The following FN1 variants were observed in gnomAD, a reference collection of about 807,000 sequenced individuals.
FN1 encodes the protein fibronectin.
A neutral mutation model predicts 297.3 loss-of-function variants in FN1; 106 were observed. The ratio of observed to expected loss-of-function variants is 0.36; its 90% CI spans 0.30 to 0.42. FN1 has a LOEUF of 0.42. Among genes scored for constraint, FN1 ranks in the 10% least tolerant of loss-of-function variants. FN1 has a pLI of 1.00. For missense variants in FN1, 2,690 were observed against 3,124.9 expected (o/e 0.86, Z 3.32); for synonymous variants, 1,149 against 1,152.6 (o/e 1.00, Z 0.06).
In FN1 at chr2:215,435,895, T is replaced by G; in HGVS notation, c.-93A>C. 805 of 1,344,402 alleles carry G rather than the reference T, an allele frequency of 6.0e-4. No homozygotes were observed. Among genetic ancestry groups the G allele is most frequent in the East Asian group, 2.3e-3 (64 of 27,702 alleles). 83.3% of individuals were successfully genotyped at this position (1,344,402 alleles called of 1,614,324 possible). On this transcript the variant is annotated 5_prime_UTR_variant, in exon 1 of 46. Transcript: ENST00000354785. ...AACCTGCGGGAAAAATCCCTTCTAA[T>G]GCCTCCCGGGGGTTGTCGCCTCCAA...
chr2:215,388,188 A>G (rs781513358), intron 27 of FN1, 24 bp downstream of exon 27: 11 of 1,536,018 alleles, frequency 7.2e-6, no homozygotes, highest in East Asian at 6.7e-5. Context: ...GCTACTGGAT[A>G]GTCATACTGC....
chr2:215,394,487 G>C (rs766037873), intron 24 of FN1, 41 bp downstream of exon 24: 2 of 1,480,246 alleles, frequency 1.4e-6, no homozygotes, highest in Admixed American at 3.3e-5. Flanking sequence ...CACTCTTATT[G>C]GAAGTGTCAC....
intron 5 of FN1, among the ~76,000 whole-genome samples, chr2:215,429,620 T>G (rs2066116560): frequency 6.6e-6 from 1 of 152,212 alleles, no homozygotes; most frequent in South Asian, 2.1e-4. Context: ...CCCCTGAACC[T>G]CCATAGCACT....
At chr2:215,401,197 G>A (rs868698645) in intron 20 of FN1, among the ~76,000 whole-genome samples, 1 of 77,640 alleles carries the variant, frequency 1.3e-5, no homozygotes, top group Non-Finnish European at 2.5e-5. Context: ...GAGAAAGAAA[G>A]AAAAGAAAGA....
chr2:215,419,898 A>T (rs1358125899), intron 11 of FN1, among the ~76,000 whole-genome samples: 1 of 152,218 alleles, frequency 6.6e-6, no homozygotes, highest in African/African-American at 2.4e-5. Context: ...ATCTCACGTC[A>T]AACAAACGGA....
chr2:215,407,513 AAC>A (rs1455951101), intron 17 of FN1, among the ~76,000 whole-genome samples, 192 bp from the exon 18 acceptor site: 2 of 152,182 alleles, frequency 1.3e-5, no homozygotes, highest in African/African-American at 4.8e-5. Context: ...ATAAAATAAG[AAC>A]AGTCATGCGA....
chr2:215,381,377 T>A, intron 32 of FN1: 1 of 436,934 alleles, frequency 2.3e-6, no homozygotes, highest in Non-Finnish European at 4.2e-6. Context: ...ACGATTTGAT[T>A]TTTACAATGT....
rs377183939 is a variant in FN1 at position 215,425,226 on chromosome 2, G to C, written c.904C>G (p.Pro302Ala). 46 of 1,614,048 alleles carry C rather than the reference G, an allele frequency of 2.8e-5. No individual in the cohort carries two copies. The Admixed American group carries it at 7.5e-4, about 26-fold the overall frequency. Residue 302 changes from proline (P) to alanine (A), a missense_variant, in exon 7 of 46, where the codon CCT becomes GCT. This residue lies in a region of FN1 where 876 missense variants were observed against 1,058.1 expected (regional missense o/e 0.83). Coordinates refer to ENST00000354785, the MANE Select transcript of FN1 (RefSeq NM_212482.4). The part of the protein sequence containing the change: ...AVYQPQPHPQ[P>A]PPYGHCVTDS... ...GTGACACAGTGGCCATAGGGAGGAG[G>C]CTGGGGGTGAGGCTGCGGTTGGTAA...
At chr2:215,390,523 A>G (rs144818353) in intron 26 of FN1, among the ~76,000 whole-genome samples, 26 of 152,258 alleles carry the variant, frequency 1.7e-4, no homozygotes, top group Non-Finnish European at 3.7e-4. Flanking sequence ...TGACTTTGCT[A>G]GGAGGGAGAG....
intron 35 of FN1, among the ~76,000 whole-genome samples, chr2:215,377,768 C>T (rs2057567334): frequency 6.6e-6 from 1 of 152,140 alleles, no homozygotes; most frequent in Non-Finnish European, 1.5e-5. Context: ...CAAATTCTAA[C>T]AAGTAGAGCA....
chr2:215,368,170 C>T lies in FN1; in HGVS notation c.6854-143G>A, dbSNP rs527723785. On this transcript the variant is annotated intron_variant, in intron 41 of 45. Coordinates refer to ENST00000354785, the MANE Select transcript of FN1 (RefSeq NM_212482.4). ...ATTAAGAGGCATTCATCTGTTCTATCAAGGCATTAACTGCTCTAAAAAACC... is the reference window on the plus strand; with the variant it reads ...ATTAAGAGGCATTCATCTGTTCTATTAAGGCATTAACTGCTCTAAAAAACC... 2.9e-5 allele frequency: 27 copies of T among 916,084 alleles called. No individual in the cohort carries two copies. In the South Asian group the frequency reaches 3.6e-4, roughly 12 times the overall value. 56.7% of individuals were successfully genotyped at this position (916,084 alleles called of 1,614,324 possible).
chr2:215,430,886 A>C, intron 4 of FN1, 34 bp from the exon 5 acceptor site: 2 of 1,612,176 alleles, frequency 1.2e-6, no homozygotes, highest in Non-Finnish European at 8.5e-7. Context: ...ACAGGAAAAA[A>C]AGGTTATTTT....
At chr2:215,407,470 C>T (rs2061914696) in intron 17 of FN1, 149 bp from the exon 18 acceptor site, 4 of 712,400 alleles carry the variant, frequency 5.6e-6, no homozygotes, top group Admixed American at 2.1e-5. Flanking sequence ...TGAATATTGC[C>T]ACTTCTTCTA....
intron 3 of FN1, 104 bp downstream of exon 3, chr2:215,433,220 A>G: frequency 6.8e-7 from 1 of 1,474,412 alleles, no homozygotes; most frequent in East Asian, 2.3e-5. Context: ...GGCAAACCTC[A>G]AAGTTCGGAA....
chr2:215,375,454 CTT>C, intron 37 of FN1, 61 bp from the exon 38 acceptor site: 1 of 1,498,670 alleles, frequency 6.7e-7, no homozygotes, highest in Non-Finnish European at 9.2e-7. Context: ...TACTCCCACA[CTT>C]TTCTCCCGAG....
At chr2:215,434,883 A>G in intron 1 of FN1, 59 bp from the exon 2 acceptor site, 1 of 1,578,606 alleles carries the variant, frequency 6.3e-7, no homozygotes, top group Non-Finnish European at 8.7e-7. Flanking sequence ...AAAATTATGG[A>G]ATTTTCTTCA....
rs763402272 is a variant in FN1 at position 215,380,854 on chromosome 2, G to A, written c.5391C>T (p.His1797=). Residue 1797 remains histidine (H), a synonymous_variant, in exon 33 of 46, where the codon CAC becomes CAT. Transcript: ENST00000354785. The stretch of plus-strand genomic sequence containing the variant: ...TCAGGGGCTGGCTCTCCATATCATC[G>A]TGCAAGGCAACCACACTGACTGTGT... The part of the protein sequence containing the change: ...SEYTVSVVAL[H]DDMESQPLIG... 1.5e-5 allele frequency: 24 copies of A among 1,613,770 alleles called. No individual in the cohort carries two copies. In the Admixed American group the frequency reaches 2.3e-4, roughly 16 times the overall value.
intron 12 of FN1, among the ~76,000 whole-genome samples, chr2:215,417,758 G>A (rs724617): frequency 0.33 from 50,606 of 151,982 alleles, 9,793 homozygotes; most frequent in South Asian, 0.51. Flanking sequence ...AAGAGTAGGA[G>A]TAAGGTCAAC....
At chr2:215,367,544 C>T (rs2054876197) in intron 42 of FN1, 4 of 382,090 alleles carry the variant, frequency 1.0e-5, no homozygotes, top group Non-Finnish European at 2.0e-5. Context: ...CTCTAATACT[C>T]TTAAATAGAC....
Sources: gnomAD v4.1 joint callset for allele counts (sites outside exome capture counted in the v4.1 genomes callset) on GRCh38, gnomAD v4.1.1 for gene constraint, gnomAD v4.1.1 regional missense constraint, MANE v1.5 for transcripts, NCBI Gene and HGNC (gene_info 2026-07-23, HGNC 2026-07-21) for gene names.